The following UBE2J1 variants were observed in gnomAD, a reference collection of about 807,000 sequenced individuals.
UBE2J1 encodes the protein ubiquitin-conjugating enzyme E2 J1.
A neutral mutation model predicts 42.1 loss-of-function variants in UBE2J1; 17 were observed. The observed-to-expected ratio is 0.40, with a 90% CI of 0.28 to 0.61. UBE2J1 has a LOEUF of 0.61. UBE2J1 is among the 20% of genes least tolerant of loss of function. The probability of loss-of-function intolerance (pLI) is 0.38; values close to 1 mark genes in which losing one functional copy is unlikely to be tolerated. For missense variants in UBE2J1, 291 were observed against 389.4 expected (o/e 0.75, Z 2.13); for synonymous variants, 127 against 137.2 (o/e 0.93, Z 0.52).
In UBE2J1 at chr6:89,352,664, G is replaced by A; in HGVS notation, c.-95C>T. 4 of 1,378,908 alleles carry A rather than the reference G, an allele frequency of 2.9e-6. No homozygotes were observed. The highest frequency in any genetic ancestry group is 3.8e-6 in the Non-Finnish European group (4 of 1,052,902). The allele number at this position is 1,378,908 out of a possible 1,614,324, so 85.4% of individuals were successfully genotyped here. On this transcript the variant is annotated 5_prime_UTR_variant, in exon 1 of 8. Coordinates refer to ENST00000435041, the MANE Select transcript of UBE2J1 (RefSeq NM_016021.3). ...GTCTCAGCGCGGCTCGGGCGGACGG[G>A]GCCTGGCCGAGGAGCCTCGGCAAAT...
intron 1 of UBE2J1, among the ~76,000 whole-genome samples, chr6:89,350,362 T>C (rs1387027990): frequency 1.3e-5 from 2 of 152,224 alleles, no homozygotes; most frequent in Non-Finnish European, 2.9e-5. Flanking sequence ...TACGTGTGTG[T>C]GTGTGTGCAC....
Position 89,328,851 on chromosome 6 carries a change from A to C in UBE2J1, c.*828T>G, listed in dbSNP as rs1198400490. 1 of 152,226 alleles carries C rather than the reference A, an allele frequency of 6.6e-6. No individual in the cohort carries two copies. The highest frequency in any genetic ancestry group is 1.5e-5 in the Non-Finnish European group (1 of 68,044). The allele number at this position is 152,226 out of a possible 1,614,324, so 9.4% of individuals were successfully genotyped here. ...TAAAGCTAGGCATATAATACATCCC[A>C]AAAGACATACATTTCAAAGCAGACC... On this transcript the variant is annotated 3_prime_UTR_variant, in exon 8 of 8. Transcript: ENST00000435041.
At chr6:89,330,737 G>A (rs1223111841) in intron 7 of UBE2J1, among the ~76,000 whole-genome samples, 4 of 151,922 alleles carry the variant, frequency 2.6e-5, no homozygotes, top group African/African-American at 7.3e-5. Context: ...TTGAGGCTTC[G>A]GTGAGCTATG....
intron 7 of UBE2J1, among the ~76,000 whole-genome samples, chr6:89,330,801 GAT>G (rs1767995435): frequency 6.6e-6 from 1 of 152,024 alleles, no homozygotes; most frequent in East Asian, 1.9e-4. Context: ...CCCTTAAAAA[GAT>G]AAAAAATCAC....
chr6:89,333,521 A>G (rs1768048346), intron 6 of UBE2J1, among the ~76,000 whole-genome samples: 7 of 152,232 alleles, frequency 4.6e-5, no homozygotes, highest in Admixed American at 4.6e-4. Flanking sequence ...GCAAAGCCTG[A>G]TATGAGCTGA....
intron 1 of UBE2J1, among the ~76,000 whole-genome samples, chr6:89,351,272 GGGTTTCAC>G (rs1285198678): frequency 6.6e-6 from 1 of 151,540 alleles, no homozygotes. Context: ...AGTAGAGACG[GGGTTTCAC>G]CATGTTGGCC....
At chr6:89,350,634 C>G (rs1768457206) in intron 1 of UBE2J1, among the ~76,000 whole-genome samples, 1 of 151,584 alleles carries the variant, frequency 6.6e-6, no homozygotes, top group African/African-American at 2.4e-5. Flanking sequence ...GAAATGAAAC[C>G]AGAAAAAGGA....
Position 89,342,318 on chromosome 6 carries a change from T to C in UBE2J1, c.237+6A>G. 6.2e-7 allele frequency: 1 copy of C among 1,613,900 alleles called. No homozygotes were observed. The highest frequency in any genetic ancestry group is 1.1e-5 in the South Asian group (1 of 91,022). On this transcript the variant is annotated splice_donor_region_variant and intron_variant, in intron 3 of 7. Coordinates refer to ENST00000435041, the MANE Select transcript of UBE2J1 (RefSeq NM_016021.3). ...CACAAGCACTCTAAAAATCCAAAAT[T>C]CTTACCGTTAGGAGAATAATGCTTG...
At chr6:89,343,201 C>T (rs1768283906) in intron 2 of UBE2J1, among the ~76,000 whole-genome samples, 1 of 152,092 alleles carries the variant, frequency 6.6e-6, no homozygotes, top group African/African-American at 2.4e-5. Flanking sequence ...CTTTGGGAGG[C>T]CAAGGCGGGT....
intron 6 of UBE2J1, 31 bp from the exon 7 acceptor site, chr6:89,333,236 G>GACAACAGGAA: frequency 6.3e-7 from 1 of 1,585,196 alleles, no homozygotes; most frequent in Non-Finnish European, 8.6e-7. Flanking sequence ...AGAGCAGTGT[G>GACAACAGGAA]ACAACAGGAA....
At chr6:89,335,794 T>C (rs529875789) in intron 5 of UBE2J1, among the ~76,000 whole-genome samples, 1 of 152,266 alleles carries the variant, frequency 6.6e-6, no homozygotes, top group Admixed American at 6.5e-5. Flanking sequence ...CAAGATCAAA[T>C]TATCTGTTAG....
intron 5 of UBE2J1, 78 bp from the exon 6 acceptor site, chr6:89,335,509 G>T: frequency 9.1e-7 from 1 of 1,092,930 alleles, no homozygotes; most frequent in Non-Finnish European, 1.2e-6. Context: ...TCAAATGCTC[G>T]ATCATTAAAC....
Position 89,329,959 on chromosome 6 carries a change from T to C in UBE2J1, c.679-2A>G. ...TGCTGAGGAATTCTGGAGTCCGTAC[T>C]AGGAAATTTTAAGAAACTTTGTTTG... On this transcript the variant is annotated splice_acceptor_variant, in intron 7 of 7. Transcript: ENST00000435041. LOFTEE classifies it high-confidence loss of function. The C allele has an allele frequency of 6.2e-7, 1 of 1,613,142 alleles. No homozygotes were observed. The highest frequency in any genetic ancestry group is 8.5e-7 in the Non-Finnish European group (1 of 1,179,660).
chr6:89,333,091 T>A lies in UBE2J1; in HGVS notation c.673A>T (p.Thr225Ser). The A allele has an allele frequency of 6.2e-7, 1 of 1,609,250 alleles. No individual in the cohort carries two copies. The highest frequency in any genetic ancestry group is 2.2e-5 in the East Asian group (1 of 44,752). Residue 225 changes from threonine to serine, a missense_variant, in exon 7 of 8, where the codon ACA becomes TCA. By Grantham distance (58) the Thr-to-Ser change is moderately conservative (BLOSUM62 1). Around this residue, in one of 2 missense-constraint regions of UBE2J1, gnomAD observed 176 missense variants for 196.3 expected, o/e 0.90. Coordinates refer to ENST00000435041, the MANE Select transcript of UBE2J1 (RefSeq NM_016021.3). ...TTAAAAGATAAGAGCCATACCGATG[T>A]ACTGGCCGTAGCACCCTGGAATGTT... Reference protein sequence around the residue: ...PTTFQGATASTSYGLQNSSAA... With the variant: ...PTTFQGATASSSYGLQNSSAA...
rs74960764 is a variant in UBE2J1, at chr6:89,335,045, A to G, written c.558+257T>C. Among the ~76,000 whole-genome samples, 974 of 152,342 alleles carry G rather than the reference A, an allele frequency of 6.4e-3. 11 individuals are homozygous for G. The highest frequency in any genetic ancestry group is 0.022 in the African/African-American group (915 of 41,580). Reference sequence around the variant, plus strand: ...TCAAGTTTCACTCCCTCACTATTCTATAAAGCTTTCATGAATGTAGTTAGG... The same window carrying G: ...TCAAGTTTCACTCCCTCACTATTCTGTAAAGCTTTCATGAATGTAGTTAGG... On this transcript the variant is annotated intron_variant, in intron 6 of 7. Coordinates refer to ENST00000435041, the MANE Select transcript of UBE2J1 (RefSeq NM_016021.3).
At chr6:89,351,186 C>G (rs2127875828) in intron 1 of UBE2J1, among the ~76,000 whole-genome samples, 1 of 149,070 alleles carries the variant, frequency 6.7e-6, no homozygotes, top group East Asian at 2.0e-4. Flanking sequence ...TCAAGCCATC[C>G]TCCTGCCTCA....
At chr6:89,336,360 G>A (rs1470003117) in intron 5 of UBE2J1, among the ~76,000 whole-genome samples, 1 of 152,010 alleles carries the variant, frequency 6.6e-6, no homozygotes, top group Non-Finnish European at 1.5e-5. Flanking sequence ...GTGCAATCAT[G>A]GCTTGCTGCA....
intron 5 of UBE2J1, among the ~76,000 whole-genome samples, chr6:89,337,708 CTGTT>C (rs1203785963): frequency 1.3e-5 from 2 of 152,136 alleles, no homozygotes; most frequent in Admixed American, 6.5e-5. Context: ...CATCACTTCT[CTGTT>C]TGTGATTGCC....
chr6:89,348,586 C>G (rs9451207), intron 1 of UBE2J1, among the ~76,000 whole-genome samples: 3 of 152,154 alleles, frequency 2.0e-5, no homozygotes, highest in Admixed American at 1.3e-4. Flanking sequence ...TGTTTCTGCC[C>G]AGGAGGACCC....
Sources: allele counts gnomAD v4.1 joint callset (sites outside exome capture counted in the v4.1 genomes callset), GRCh38; gene constraint gnomAD v4.1.1; regional missense constraint gnomAD v4.1.1; transcripts MANE v1.5; gene names NCBI Gene and HGNC (gene_info 2026-07-23, HGNC 2026-07-21).